The following ASTN2 variants were observed in gnomAD, a reference collection of about 807,000 sequenced individuals.
ASTN2 encodes astrotactin-2.
A neutral mutation model predicts 139.8 loss-of-function variants in ASTN2; 54 were observed. That is an observed-to-expected ratio of 0.39 (90% CI 0.31 to 0.48). ASTN2 has a LOEUF of 0.48. Among genes scored for constraint, ASTN2 ranks in the 20% least tolerant of loss-of-function variants. The probability of loss-of-function intolerance (pLI) is 0.95; values close to 1 mark genes in which losing one functional copy is unlikely to be tolerated. For synonymous variants in ASTN2, 756 were observed against 719.5 expected (o/e 1.05, Z -0.81); for missense variants, 1,565 against 1,725.1 (o/e 0.91, Z 1.64).
In ASTN2 at chr9:117,059,169, G is replaced by C. The variant is rs564577976; in HGVS notation, c.1277-19204C>G. Among the ~76,000 whole-genome samples, 3 of 152,252 alleles carry C rather than the reference G, an allele frequency of 2.0e-5. No homozygotes were observed. In the South Asian group the frequency reaches 6.2e-4, roughly 32 times the overall value. ...GTCATCAAATGCAGAGTACAGTTGGGGATGGAATTGCTGGACTTGTGATGA... is the reference window on the plus strand; with the variant it reads ...GTCATCAAATGCAGAGTACAGTTGGCGATGGAATTGCTGGACTTGTGATGA... On this transcript the variant is annotated intron_variant, in intron 5 of 22. Transcript: ENST00000313400.
intron 3 of ASTN2, among the ~76,000 whole-genome samples, chr9:117,156,221 A>T (rs1166140505): frequency 1.3e-5 from 2 of 152,080 alleles, no homozygotes; most frequent in East Asian, 3.9e-4. Flanking sequence ...AAGAACTAGT[A>T]TCTTTTGAGT....
rs780958079 is a variant in ASTN2, at chr9:116,698,437, A to G, written c.2806+27334T>C. On this transcript the variant is annotated intron_variant, in intron 16 of 22. Transcript: ENST00000313400. This position sits in a 1 kb window ranked among gnomAD's most constrained non-coding sequence, Gnocchi z 4.4. The stretch of plus-strand genomic sequence containing the variant: ...CAGAGTTACCTGCTTAACATTGCAG[A>G]GGTGCAGGCTGTGTCTCGCTGTGAC... 17 of 1,614,084 alleles carry G rather than the reference A, an allele frequency of 1.1e-5. No homozygotes were observed. Among genetic ancestry groups the G allele is most frequent in the Non-Finnish European group, 1.4e-5 (16 of 1,180,022 alleles).
chr9:117,159,322 A>T (rs914656066), intron 3 of ASTN2, among the ~76,000 whole-genome samples: 5 of 151,986 alleles, frequency 3.3e-5, no homozygotes, highest in Admixed American at 6.6e-5. Context: ...TTGGAAGCTC[A>T]AATGCCAGCA....
At chr9:117,181,369 A>G (rs965807506) in intron 3 of ASTN2, among the ~76,000 whole-genome samples, 11 of 152,184 alleles carry the variant, frequency 7.2e-5, no homozygotes, top group Admixed American at 5.9e-4. Flanking sequence ...AAATGTCTCA[A>G]ATACATTTCA....
intron 19 of ASTN2, among the ~76,000 whole-genome samples, chr9:116,537,293 A>G (rs77149201): frequency 6.6e-6 from 1 of 152,106 alleles, no homozygotes. Context: ...AAATTTCTAT[A>G]ATTTTTTTCT....
Position 116,590,773 on chromosome 9 carries a change from T to C in ASTN2, c.3355+27551A>G, listed in dbSNP as rs545750888. On this transcript the variant is annotated intron_variant, in intron 19 of 22. Transcript: ENST00000313400. ...AACTCCGGACTCAGCCAGACTCAGATAGATGTCAGGACTATCAGCTGCAGG... is the reference window on the plus strand; with the variant it reads ...AACTCCGGACTCAGCCAGACTCAGACAGATGTCAGGACTATCAGCTGCAGG... Among the ~76,000 whole-genome samples the C allele has an allele frequency of 8.5e-5, 13 of 152,264 alleles. No individual in the cohort carries two copies. The South Asian group carries it at 2.5e-3, about 29-fold the overall frequency.
intron 5 of ASTN2, among the ~76,000 whole-genome samples, chr9:117,059,474 A>C (rs544209617): frequency 6.6e-6 from 1 of 152,078 alleles, no homozygotes; most frequent in Non-Finnish European, 1.5e-5. Flanking sequence ...TTAGCTGGGC[A>C]TGGTGATGCA....
At chr9:117,338,696 C>T (rs1198380601) in intron 1 of ASTN2, among the ~76,000 whole-genome samples, 4 of 152,058 alleles carry the variant, frequency 2.6e-5, no homozygotes, top group African/African-American at 9.7e-5. Flanking sequence ...TTGGTAGGCA[C>T]TGAATACGGG....
chr9:117,074,046 C>T (rs971893955), intron 5 of ASTN2, among the ~76,000 whole-genome samples: 6 of 151,618 alleles, frequency 4.0e-5, no homozygotes, highest in Admixed American at 2.0e-4. Flanking sequence ...CCTCACCTGC[C>T]GGGAATAGAA....
At chr9:116,552,008 T>TACATAC in intron 19 of ASTN2, 1 of 108,568 alleles carries the variant, frequency 9.2e-6, no homozygotes, top group Middle Eastern at 5.3e-3. Flanking sequence ...CATATACATA[T>TACATAC]ACATACACAT....
At chr9:117,378,915 G>T (rs529752395) in intron 1 of ASTN2, among the ~76,000 whole-genome samples, 1 of 152,202 alleles carries the variant, frequency 6.6e-6, no homozygotes, top group African/African-American at 2.4e-5. Context: ...CCTTGGTGCT[G>T]TTCTAGGGAT....
intron 12 of ASTN2, among the ~76,000 whole-genome samples, chr9:116,818,493 G>A (rs1394535634): frequency 6.6e-6 from 1 of 152,032 alleles, no homozygotes; most frequent in Non-Finnish European, 1.5e-5. Context: ...CCTGGGTTTT[G>A]TTTTTTGTTT....
chr9:116,723,560 A>G (rs1229744065), intron 16 of ASTN2, among the ~76,000 whole-genome samples: 4 of 152,194 alleles, frequency 2.6e-5, no homozygotes, highest in African/African-American at 7.2e-5. Context: ...AACGTTTAGC[A>G]GATGGCAGTG....
At chr9:117,253,431 G>A (rs943371930) in intron 2 of ASTN2, among the ~76,000 whole-genome samples, 1 of 152,186 alleles carries the variant, frequency 6.6e-6, no homozygotes, top group Non-Finnish European at 1.5e-5. Flanking sequence ...CACCACCAAG[G>A]CTGTCTTCCT....
intron 13 of ASTN2, among the ~76,000 whole-genome samples, chr9:116,773,969 G>A (rs938352106): frequency 1.4e-4 from 22 of 152,150 alleles, no homozygotes; most frequent in Admixed American, 8.5e-4. Context: ...TTCTCTTATT[G>A]TCTGGCTCTG....
At chr9:116,547,965 C>A (rs900710172) in intron 19 of ASTN2, among the ~76,000 whole-genome samples, 1 of 152,180 alleles carries the variant, frequency 6.6e-6, no homozygotes. Context: ...AACTCACCCC[C>A]ACACACCCTG....
chr9:116,931,535 A>G (rs1013288430), intron 10 of ASTN2, among the ~76,000 whole-genome samples: 1 of 152,220 alleles, frequency 6.6e-6, no homozygotes, highest in Non-Finnish European at 1.5e-5. Flanking sequence ...TACATTGAGC[A>G]AAAGATTTTA....
intron 13 of ASTN2, among the ~76,000 whole-genome samples, chr9:116,777,443 G>A (rs866522466): frequency 1.3e-5 from 2 of 152,020 alleles, no homozygotes; most frequent in Admixed American, 6.6e-5. Context: ...AATGAGTTGC[G>A]GCACCTAGGT....
At chr9:116,596,934 T>C (rs1423858177) in intron 19 of ASTN2, among the ~76,000 whole-genome samples, 1 of 152,128 alleles carries the variant, frequency 6.6e-6, no homozygotes, top group Non-Finnish European at 1.5e-5. Flanking sequence ...AAGCTTGGTG[T>C]GTCTAACAAT....
Sources: gnomAD v4.1 joint callset for allele counts (sites outside exome capture counted in the v4.1 genomes callset) on GRCh38, gnomAD v4.1.1 for gene constraint, Gnocchi (gnomAD v3.1) non-coding constraint, MANE v1.5 for transcripts, NCBI Gene and HGNC (gene_info 2026-07-23, HGNC 2026-07-21) for gene names.